The following PREPL variants were observed in gnomAD, a reference collection of about 807,000 sequenced individuals.
PREPL encodes prolyl endopeptidase-like.
PREPL carries 77 observed loss-of-function variants against 70.6 expected under a neutral mutation model. That is an observed-to-expected ratio of 1.09 (90% CI 0.91 to 1.32). The LOEUF is 1.32. Among genes scored for constraint, PREPL ranks in the 40% most tolerant of loss-of-function variants. PREPL has a pLI of 0.00. For synonymous variants in PREPL, 315 were observed against 264.8 expected, an observed-to-expected ratio of 1.19 and a Z score of -1.84; for missense variants, 1,002 against 778.2, an observed-to-expected ratio of 1.29 and a Z score of -3.42.
intron 1 of PREPL, among the ~76,000 whole-genome samples, chr2:44,357,619 G>A (rs1460804674): frequency 6.6e-6 from 1 of 152,194 alleles, no homozygotes; most frequent in Non-Finnish European, 1.5e-5. Context: ...CGGAAAAGTT[G>A]CTTCAGGAAC....
chr2:44,327,314 C>A (rs941001452), intron 9 of PREPL, among the ~76,000 whole-genome samples: 1 of 152,112 alleles, frequency 6.6e-6, no homozygotes, highest in Non-Finnish European at 1.5e-5. Context: ...AACGACTTAC[C>A]CAGCAATGTG....
chr2:44,359,194 A>G (rs1001520307), intron 1 of PREPL, among the ~76,000 whole-genome samples: 52 of 151,400 alleles, frequency 3.4e-4, no homozygotes, highest in Middle Eastern at 3.4e-3. Flanking sequence ...CAGCCTCCCA[A>G]GTAGCTGGGA....
chr2:44,355,311 G>C (rs185980735), intron 1 of PREPL, among the ~76,000 whole-genome samples: 2 of 152,170 alleles, frequency 1.3e-5, no homozygotes, highest in Admixed American at 6.5e-5. Flanking sequence ...ACTTTGAGAG[G>C]GCAAGGCAGG....
chr2:44,324,688 G>T (rs539665025), intron 10 of PREPL, among the ~76,000 whole-genome samples: 1 of 151,848 alleles, frequency 6.6e-6, no homozygotes, highest in East Asian at 1.9e-4. Flanking sequence ...AACTAGCCTG[G>T]GTAGCATGGT....
chr2:44,332,985 A>T (rs1003932882), intron 7 of PREPL, among the ~76,000 whole-genome samples: 1 of 152,198 alleles, frequency 6.6e-6, no homozygotes, highest in African/African-American at 2.4e-5. Flanking sequence ...AATAAGAGCA[A>T]ATCAAATAGT....
Position 44,322,854 on chromosome 2 carries a change from G to T in PREPL, c.1630C>A (p.His544Asn). ...YCPYQNIKPQHYPSIHITAYE... is the reference protein window; with the variant it reads ...YCPYQNIKPQNYPSIHITAYE... ...GCCGTTATGTGAATTGAAGGATAAT[G>T]CTGAAAGAAAATACATGCACGAAGA... The change falls in exon 12 of 14, where the codon CAT (histidine) becomes AAT (asparagine). Residue 544 changes from histidine (H) to asparagine (N), a missense_variant and splice_region_variant. Physicochemically the swap from His to Asn is moderately conservative, Grantham distance 68 (BLOSUM62 1). Coordinates refer to ENST00000409411, the MANE Select transcript of PREPL (RefSeq NM_001171613.2). The T allele has an allele frequency of 6.2e-7, 1 of 1,613,114 alleles. No individual in the cohort carries two copies. The highest frequency in any genetic ancestry group is 8.5e-7 in the Non-Finnish European group (1 of 1,179,504).
chr2:44,359,454 A>G (rs1452623372), intron 1 of PREPL: 3 of 1,361,058 alleles, frequency 2.2e-6, no homozygotes, highest in Non-Finnish European at 3.1e-6. Flanking sequence ...AATTAAAATT[A>G]ATCTTAATGA....
At chr2:44,328,116 T>A (rs1673710799) in intron 9 of PREPL, among the ~76,000 whole-genome samples, 1 of 151,616 alleles carries the variant, frequency 6.6e-6, no homozygotes, top group South Asian at 2.1e-4. Context: ...TGAAACCCCA[T>A]CGCTACAAAA....
intron 4 of PREPL, among the ~76,000 whole-genome samples, chr2:44,343,443 G>C (rs112123606): frequency 1.3e-5 from 2 of 152,098 alleles, no homozygotes; most frequent in Non-Finnish European, 2.9e-5. Flanking sequence ...TGCAACTTAC[G>C]TGTAAAAATT....
intron 1 of PREPL, among the ~76,000 whole-genome samples, chr2:44,348,772 A>G (rs1307135745): frequency 6.6e-6 from 1 of 152,224 alleles, no homozygotes; most frequent in Non-Finnish European, 1.5e-5. Context: ...TAACTCTTCT[A>G]AAGGAATTAC....
chr2:44,360,617 A>T (rs971515484), intron 1 of PREPL: 1 of 152,136 alleles, frequency 6.6e-6, no homozygotes, highest in African/African-American at 2.4e-5. Context: ...AGTCAGAGAG[A>T]CCTGGGTTGA....
At chr2:44,359,603 TA>T in intron 1 of PREPL, 1 of 1,611,326 alleles carries the variant, frequency 6.2e-7, no homozygotes, top group Non-Finnish European at 8.5e-7. Flanking sequence ...TATTCTATTG[TA>T]ACAATGATCA....
intron 1 of PREPL, among the ~76,000 whole-genome samples, chr2:44,349,530 G>GT (rs1676180598): frequency 6.6e-6 from 1 of 152,064 alleles, no homozygotes; most frequent in South Asian, 2.1e-4. Flanking sequence ...CAGAAAAAGA[G>GT]TAAGTCTTAA....
chr2:44,329,099 A>T lies in PREPL; in HGVS notation c.1100T>A (p.Val367Glu). 1 of 1,598,938 alleles carries T rather than the reference A, an allele frequency of 6.3e-7. No individual in the cohort carries two copies. Among genetic ancestry groups the T allele is most frequent in the Non-Finnish European group, 8.6e-7 (1 of 1,167,992 alleles). The change falls in exon 9 of 14, where the codon GTG becomes GAG. Residue 367 changes from valine (V) to glutamate (E), a missense_variant. Physicochemically the swap from Val to Glu is moderately radical, Grantham distance 121 (BLOSUM62 -2). Transcript: ENST00000409411. ...AGTTTTGTGGAAAACAGTCATTGGCACTAATTTTCCATCCTAGAAATGAAG... is the reference window on the plus strand; with the variant it reads ...AGTTTTGTGGAAAACAGTCATTGGCTCTAATTTTCCATCCTAGAAATGAAG... Reference protein sequence around the residue: ...LEAKSKDGKLVPMTVFHKTDS... With the variant: ...LEAKSKDGKLEPMTVFHKTDS...
In PREPL at chr2:44,320,710, C is replaced by G; in HGVS notation, c.*646G>C. The G allele has an allele frequency of 8.9e-7, 1 of 1,127,492 alleles. No individual in the cohort carries two copies. The highest frequency in any genetic ancestry group is 2.4e-5 in the East Asian group (1 of 42,428). 69.8% of individuals were successfully genotyped at this position (1,127,492 alleles called of 1,614,324 possible). ...TAAGCATTTGTAATAGCTTCATGTA[C>G]AGCATGCTGCTTGGTGAACAATCAT... On this transcript the variant is annotated 3_prime_UTR_variant, in exon 14 of 14. Coordinates refer to ENST00000409411, the MANE Select transcript of PREPL (RefSeq NM_001171613.2).
At chr2:44,327,843 AC>A (rs768336159) in intron 9 of PREPL, among the ~76,000 whole-genome samples, 1 of 151,946 alleles carries the variant, frequency 6.6e-6, no homozygotes, top group Non-Finnish European at 1.5e-5. Context: ...AGCCTGGGAG[AC>A]AGAGTGAGAC....
chr2:44,325,342 T>A (rs1673388685), intron 10 of PREPL, among the ~76,000 whole-genome samples: 1 of 152,210 alleles, frequency 6.6e-6, no homozygotes, highest in South Asian at 2.1e-4. Context: ...GCACTGGCAG[T>A]GTGAGGTGAT....
intron 5 of PREPL, among the ~76,000 whole-genome samples, chr2:44,339,996 CTAAGTTA>C (rs1382421230): frequency 6.6e-6 from 1 of 151,896 alleles, no homozygotes; most frequent in East Asian, 1.9e-4. Context: ...ATTTTTCCTT[CTAAGTTA>C]TATTTATATT....
At chr2:44,334,999 A>C (rs1028750992) in intron 7 of PREPL, among the ~76,000 whole-genome samples, 42 of 152,336 alleles carry the variant, frequency 2.8e-4, no homozygotes, top group African/African-American at 9.9e-4. Flanking sequence ...ATGTATATTA[A>C]TTAATATTAT....
Sources: gnomAD v4.1 joint callset for allele counts (sites outside exome capture counted in the v4.1 genomes callset) on GRCh38, gnomAD v4.1.1 for gene constraint, MANE v1.5 for transcripts, NCBI Gene and HGNC (gene_info 2026-07-23, HGNC 2026-07-21) for gene names.